The following PCNX3 variants were observed in gnomAD, a reference collection of about 807,000 sequenced individuals.
The protein encoded by PCNX3 is pecanex 3, also known as pecanex-like protein 3.
PCNX3 carries 58 observed loss-of-function variants against 207.2 expected under a neutral mutation model. That is an observed-to-expected ratio of 0.28 (90% CI 0.23 to 0.35). PCNX3 has a LOEUF of 0.35. Ranked by LOEUF, PCNX3 falls within the 10% of genes least tolerant of loss-of-function variation. The pLI, the probability that PCNX3 is intolerant of heterozygous loss-of-function variation, is 1.00. For synonymous variants in PCNX3, 1,337 were observed against 1,183.5 expected, an observed-to-expected ratio of 1.13 and a Z score of -2.66; for missense variants, 2,410 against 2,774.4, an observed-to-expected ratio of 0.87 and a Z score of 2.95.
chr11:65,618,633 C>G lies in PCNX3; in HGVS notation c.1271C>G (p.Thr424Ser). The change falls in exon 6 of 35, where the codon ACT (threonine) becomes AGT (serine). Residue 424 changes from threonine to serine, a missense_variant. By Grantham distance (58) the Thr-to-Ser change is moderately conservative. This residue lies in a region of PCNX3 where 1,104 missense variants were observed against 970.3 expected (regional missense o/e 1.14). Coordinates refer to ENST00000355703, the MANE Select transcript of PCNX3 (RefSeq NM_032223.4). Reference sequence around the variant, plus strand: ...GGGGGCTTCTTTGAGGATGAAGACACTAGTGAGGGCAGTGAACTGAGCCCG... The same window carrying G: ...GGGGGCTTCTTTGAGGATGAAGACAGTAGTGAGGGCAGTGAACTGAGCCCG... ...EGGGFFEDED[T>S]SEGSELSPAS... is the part of the protein sequence containing the mutation. 6.2e-7 allele frequency: 1 copy of G among 1,613,028 alleles called. No homozygotes were observed. The highest frequency in any genetic ancestry group is 1.3e-5 in the African/African-American group (1 of 75,040).
At position 65,627,515 on chromosome 11, in the gene PCNX3, T is replaced by G. The variant is rs749143094; in HGVS notation, c.3635T>G (p.Phe1212Cys). The change falls in exon 22 of 35, where the codon TTT becomes TGT. Residue 1212 changes from phenylalanine to cysteine, a missense_variant. Coordinates refer to ENST00000355703, the MANE Select transcript of PCNX3 (RefSeq NM_032223.4). ...GCCTTCACCGTCCTGCTCTTCCACT[T>G]TGACTACCCGCGCCTCTCCCAGGGC... ...TLAFTVLLFH[F>C]DYPRLSQGFL... 66 of 1,613,754 alleles carry G rather than the reference T, an allele frequency of 4.1e-5. No individual in the cohort carries two copies. Among genetic ancestry groups the G allele is most frequent in the Non-Finnish European group, 5.2e-5 (61 of 1,179,872 alleles).
In PCNX3 at chr11:65,636,830, C is replaced by T. The variant is rs898532295; in HGVS notation, c.5957C>T (p.Ser1986Leu). 4 of 1,550,978 alleles carry T rather than the reference C, an allele frequency of 2.6e-6. No individual in the cohort carries two copies. Among genetic ancestry groups the T allele is most frequent in the Admixed American group, 3.9e-5 (2 of 50,970 alleles). ...SLSPDVSTEA[S>L]PPRASQDIPC... ...AGCCCCGATGTCAGCACTGAGGCCT[C>T]ACCCCCCAGAGCTTCCCAGGACATT... Residue 1986 changes from serine to leucine, a missense_variant, in exon 35 of 35, where the codon TCA becomes TTA. Around this residue, in one of 8 missense-constraint regions of PCNX3, gnomAD observed 278 missense variants for 245.1 expected, o/e 1.13. Transcript: ENST00000355703.
chr11:65,617,167 A>G (rs2135394788), intron 2 of PCNX3, 83 bp from the exon 3 acceptor site: 1 of 1,440,014 alleles, frequency 6.9e-7, no homozygotes, highest in Non-Finnish European at 9.5e-7. Flanking sequence ...GACTTCTGAA[A>G]AAGAAGCAGT....
At chr11:65,636,022 ACT>A (rs1196013322) in intron 32 of PCNX3, among the ~76,000 whole-genome samples, 150 bp from the exon 33 acceptor site, 7 of 151,746 alleles carry the variant, frequency 4.6e-5, no homozygotes, top group African/African-American at 1.7e-4. Flanking sequence ...CCCTCAAAAG[ACT>A]CTGCAAAGTA....
intron 15 of PCNX3, 135 bp from the exon 16 acceptor site, chr11:65,624,789 TG>T: frequency 1.0e-6 from 1 of 990,874 alleles, no homozygotes; most frequent in Non-Finnish European, 1.5e-6. Context: ...GCTTGGGGCT[TG>T]GGGCAGCAGA....
In PCNX3 at chr11:65,629,874, C is replaced by A. The variant is rs1009223621; in HGVS notation, c.4216+139C>A. 3.3e-6 allele frequency: 3 copies of A among 918,978 alleles called. No individual in the cohort carries two copies. The African/African-American group carries it at 4.9e-5, about 15-fold the overall frequency. 56.9% of individuals were successfully genotyped at this position (918,978 alleles called of 1,614,324 possible). A position where few individuals can be genotyped will look rare whatever the true frequency, so the allele number is the denominator to read the frequency against. On this transcript the variant is annotated intron_variant, in intron 26 of 34. Coordinates refer to ENST00000355703, the MANE Select transcript of PCNX3 (RefSeq NM_032223.4). ...TGGCCTTGGGCAAGGCACTCCTCCT[C>A]CCTGGGCCTGCGTTTCCCAGTCTGA... is the stretch of plus-strand genomic sequence containing the variant.
rs1171167431 is a variant in PCNX3 at position 65,630,695 on chromosome 11, G to A, written c.4470+91G>A. On this transcript the variant is annotated intron_variant, in intron 27 of 34. Transcript: ENST00000355703. ...CCAGTACCCCCTTTCTGGGTTGTTG[G>A]GAGCCTGTTTTGTCCAAGGGAAGCT... 2.7e-6 allele frequency: 4 copies of A among 1,499,178 alleles called. No homozygotes were observed. The East Asian group carries it at 9.5e-5, about 36-fold the overall frequency. The allele number at this position is 1,499,178 out of a possible 1,614,324, so 92.9% of individuals were successfully genotyped here. A position where few individuals can be genotyped will look rare whatever the true frequency, so the allele number is the denominator to read the frequency against.
chr11:65,624,242 C>A lies in PCNX3; in HGVS notation c.2592C>A (p.Ile864=). 6.2e-7 allele frequency: 1 copy of A among 1,607,524 alleles called. No homozygotes were observed. The part of the protein sequence containing the change: ...IAYSRPVYFC[I]CCLLIWLLDA... ...ACAGCCGTCCTGTCTACTTCTGCAT[C>A]TGCTGTCTGCTCATCTGGCTGCTGG... is the stretch of plus-strand genomic sequence containing the variant. Residue 864 remains isoleucine (I), a synonymous_variant, in exon 14 of 35, where the codon ATC becomes ATA. Transcript: ENST00000355703.
intron 10 of PCNX3, among the ~76,000 whole-genome samples, chr11:65,621,670 G>A (rs1855111219): frequency 1.3e-5 from 2 of 152,198 alleles, no homozygotes; most frequent in South Asian, 2.1e-4. Context: ...CCTCTGGCTC[G>A]CCATTTTATC....
In PCNX3 at chr11:65,636,616, G is replaced by T; in HGVS notation, c.5819G>T (p.Gly1940Val). ...CCCAGTGGAAAGTGGAGCCTGGGGGGCCGGAAGGGGCTGGGAGGATCTGAC... is the reference window on the plus strand; with the variant it reads ...CCCAGTGGAAAGTGGAGCCTGGGGGTCCGGAAGGGGCTGGGAGGATCTGAC... ...EGPSGKWSLG[G>V]RKGLGGSDGE... is the part of the protein sequence containing the mutation. Residue 1940 changes from glycine to valine, a missense_variant, in exon 34 of 35, where the codon GGC becomes GTC. Physicochemically the swap from Gly to Val is moderately radical, Grantham distance 109. This residue lies in a region of PCNX3 where 278 missense variants were observed against 245.1 expected (regional missense o/e 1.13). Transcript: ENST00000355703. 1 of 1,584,588 alleles carries T rather than the reference G, an allele frequency of 6.3e-7. No homozygotes were observed. The highest frequency in any genetic ancestry group is 1.4e-5 in the African/African-American group (1 of 73,908).
In PCNX3 at chr11:65,623,504, C is replaced by A; in HGVS notation, c.2371C>A (p.Leu791Met). Residue 791 changes from leucine to methionine, a missense_variant, in exon 12 of 35, where the codon CTG becomes ATG. Transcript: ENST00000355703. ...CTGTCCCTGCAGGACGCGGGGAGTG[C>A]TGGAGAACATCTTCGGCGTGGGCCT... is the stretch of plus-strand genomic sequence containing the variant. ...LALLDRTRGV[L>M]ENIFGVGLSS... is the part of the protein sequence containing the mutation. 6.2e-7 allele frequency: 1 copy of A among 1,610,726 alleles called. No individual in the cohort carries two copies. The highest frequency in any genetic ancestry group is 1.1e-5 in the South Asian group (1 of 90,710).
Position 65,618,217 on chromosome 11 carries a change from G to T in PCNX3, c.855G>T (p.Arg285=), listed in dbSNP as rs957965297. The T allele has an allele frequency of 6.2e-7, 1 of 1,602,318 alleles. No individual in the cohort carries two copies. Among genetic ancestry groups the T allele is most frequent in the Non-Finnish European group, 8.5e-7 (1 of 1,174,340 alleles). The change falls in exon 6 of 35, where the codon CGG becomes CGT. Residue 285 remains arginine, a synonymous_variant. Transcript: ENST00000355703. ...GTGGCTATCAGCCCCTTGACCGGCG[G>T]GGCTCAGGGGAGCCCACGCCCCAGA... is the stretch of plus-strand genomic sequence containing the variant. ...GAGGYQPLDR[R]GSGEPTPQKA...
intron 4 of PCNX3, 39 bp from the exon 5 acceptor site, chr11:65,617,572 C>T (rs367675980): frequency 6.2e-7 from 1 of 1,613,666 alleles, no homozygotes; most frequent in Non-Finnish European, 8.5e-7. Context: ...CGTGCTGTGC[C>T]AGGGGGTCCT....
Position 65,627,410 on chromosome 11 carries a change from G to A in PCNX3, c.3530G>A (p.Arg1177Gln), listed in dbSNP as rs117574905. The A allele has an allele frequency of 5.7e-3, 9,120 of 1,608,430 alleles. 36 individuals carry two copies. The highest frequency in any genetic ancestry group is 7.2e-3 in the Non-Finnish European group (8,471 of 1,179,724). The change falls in exon 22 of 35, where the codon CGG becomes CAG. Residue 1177 changes from arginine (R) to glutamine (Q), a missense_variant. Arg to Gln is a conservative substitution (Grantham distance 43, BLOSUM62 1). This residue lies in a region of PCNX3 where 333 missense variants were observed against 386.8 expected (regional missense o/e 0.86). Transcript: ENST00000355703. ...TGCCTGCCCCTTGCCCACAGCTGCC[G>A]GGCGCTGCTGATGACCGTGGCTGGG... is the stretch of plus-strand genomic sequence containing the variant. Reference protein sequence around the residue: ...SHPDKYCFYCRALLMTVAGLK... With the variant: ...SHPDKYCFYCQALLMTVAGLK...
At chr11:65,624,859 C>G (rs1000844285) in intron 15 of PCNX3, 66 bp from the exon 16 acceptor site, 2 of 1,466,494 alleles carry the variant, frequency 1.4e-6, no homozygotes, top group South Asian at 2.4e-5. Flanking sequence ...TGAGGGGAAG[C>G]GCGGCTAGGG....
Position 65,616,267 on chromosome 11 carries a change from C to A in PCNX3, c.-45C>A, listed in dbSNP as rs1006471216. On this transcript the variant is annotated 5_prime_UTR_variant, in exon 1 of 35. Transcript: ENST00000355703. ...CGGGGCATGGGCCGGGGGCCGCCCC[C>A]ATGAGGGTCCCGGGAGGGGGGGCGC... is the stretch of plus-strand genomic sequence containing the variant. 2.0e-6 allele frequency: 3 copies of A among 1,487,214 alleles called. No individual in the cohort carries two copies. Among genetic ancestry groups the A allele is most frequent in the Admixed American group, 2.1e-5 (1 of 46,922 alleles). 92.1% of individuals were successfully genotyped at this position (1,487,214 alleles called of 1,614,324 possible).
At chr11:65,621,061 C>G in intron 10 of PCNX3, 95 bp downstream of exon 10, 2 of 1,439,586 alleles carry the variant, frequency 1.4e-6, no homozygotes, top group Non-Finnish European at 1.8e-6. Flanking sequence ...CCCAGGTGCC[C>G]CAGGAGGGAC....
rs1366255712 is a variant in PCNX3, at chr11:65,636,440, C to T, written c.5643C>T (p.Ser1881=). The change falls in exon 34 of 35, where the codon TCC becomes TCT. Residue 1881 remains serine (S), a synonymous_variant. Transcript: ENST00000355703. ...CAGGCCCTGGCTGGGGGCCGCGGTC[C>T]TCCCTGAGTGGCTCTGGTGATGGGC... ...LPPGPGWGPR[S]SLSGSGDGRP... 3.2e-6 allele frequency: 5 copies of T among 1,553,216 alleles called. No individual in the cohort carries two copies. The highest frequency in any genetic ancestry group is 4.0e-5 in the Admixed American group (2 of 49,968).
At chr11:65,632,369 A>G (rs1855650178) in intron 27 of PCNX3, among the ~76,000 whole-genome samples, 1 of 151,634 alleles carries the variant, frequency 6.6e-6, no homozygotes, top group Non-Finnish European at 1.5e-5. Flanking sequence ...TCCCAGCTGC[A>G]GGGATAGGTC....
Sources: allele counts gnomAD v4.1 joint callset (sites outside exome capture counted in the v4.1 genomes callset), GRCh38; gene constraint gnomAD v4.1.1; regional missense constraint gnomAD v4.1.1; transcripts MANE v1.5; gene names NCBI Gene and HGNC (gene_info 2026-07-23, HGNC 2026-07-21).